Variants in LNX1 observed in about 807,000 individuals in gnomAD.
The protein encoded by LNX1 is E3 ubiquitin-protein ligase LNX.
Under a neutral mutation model 68.4 loss-of-function variants are expected in LNX1, and 54 were observed. That is an observed-to-expected ratio of 0.79 (90% CI 0.63 to 0.99). The LOEUF (loss-of-function observed/expected upper bound fraction) is 0.99, where lower values mean the gene tolerates loss of function less well. LNX1 is among the 50% of genes least tolerant of loss of function. The probability of loss-of-function intolerance (pLI) is 0.00; values close to 1 mark genes in which losing one functional copy is unlikely to be tolerated. For synonymous variants in LNX1, 336 were observed against 350.0 expected (o/e 0.96, Z 0.45); for missense variants, 906 against 926.4 (o/e 0.98, Z 0.29).
intron 2 of LNX1, among the ~76,000 whole-genome samples, chr4:53,512,141 G>A (rs561034730): frequency 1.7e-4 from 26 of 152,304 alleles, no homozygotes; most frequent in Admixed American, 6.5e-4. Context: ...TGGGGACCAT[G>A]GTGAGCAGTG....
chr4:53,460,795 A>T lies in LNX1; in HGVS notation c.*112T>A. ...ATTAGATGATCATACTTTTCCTGAC[A>T]TTTTTACAATGTATTCTTTCTTTAA... On this transcript the variant is annotated 3_prime_UTR_variant, in exon 11 of 11. Transcript: ENST00000263925. The T allele has an allele frequency of 9.0e-7, 1 of 1,114,340 alleles. No individual in the cohort carries two copies. Among genetic ancestry groups the T allele is most frequent in the South Asian group, 1.6e-5 (1 of 63,592 alleles). The allele number at this position is 1,114,340 out of a possible 1,614,324, so 69.0% of individuals were successfully genotyped here.
chr4:53,624,507 C>T (rs1263115348), intron 1 of LNX1, among the ~76,000 whole-genome samples: 9 of 152,208 alleles, frequency 5.9e-5, no homozygotes, highest in Non-Finnish European at 1.3e-4. Context: ...GTCCATTAAA[C>T]CTCTTTTTCT....
chr4:53,609,438 A>G (rs1387708295), intron 2 of LNX1, among the ~76,000 whole-genome samples: 2 of 151,304 alleles, frequency 1.3e-5, no homozygotes, highest in Non-Finnish European at 2.9e-5. Context: ...AGTATTAGCT[A>G]AATATATCTC....
intron 2 of LNX1, among the ~76,000 whole-genome samples, chr4:53,542,984 C>T (rs1162943416): frequency 6.6e-6 from 1 of 152,168 alleles, no homozygotes; most frequent in Non-Finnish European, 1.5e-5. Context: ...GAATCATTAG[C>T]ACTTCATAGG....
At chr4:53,519,215 G>A (rs1358997648) in intron 2 of LNX1, among the ~76,000 whole-genome samples, 2 of 152,122 alleles carry the variant, frequency 1.3e-5, no homozygotes, top group Non-Finnish European at 1.5e-5. Context: ...CTAAGTGTGC[G>A]GGCACCTCCA....
At chr4:53,591,682 T>C, upstream of LNX1, 3 of 630,652 alleles carry the variant, frequency 4.8e-6, no homozygotes, top group Non-Finnish European at 5.9e-6. Flanking sequence ...TGGCGTCTCT[T>C]TGTGGACAAA....
At chr4:53,509,993 T>G (rs1726207704) in intron 2 of LNX1, among the ~76,000 whole-genome samples, 1 of 152,204 alleles carries the variant, frequency 6.6e-6, no homozygotes, top group Admixed American at 6.5e-5. Flanking sequence ...AACAGAACAA[T>G]TGGATATTGA....
intron 2 of LNX1, among the ~76,000 whole-genome samples, chr4:53,545,303 A>C (rs1729032042): frequency 6.6e-6 from 1 of 152,216 alleles, no homozygotes. Context: ...GAAAAGTTGA[A>C]TCTATAAAGC....
At chr4:53,558,195 G>A (rs17083031) in intron 2 of LNX1, 365 of 1,316,402 alleles carry the variant, frequency 2.8e-4, no homozygotes, top group Middle Eastern at 6.0e-4. Flanking sequence ...GAGCCACCAC[G>A]GTTGGCGAGA....
At chr4:53,561,936 A>G (rs1397346277) in intron 2 of LNX1, among the ~76,000 whole-genome samples, 3 of 152,094 alleles carry the variant, frequency 2.0e-5, no homozygotes, top group Admixed American at 6.5e-5. Flanking sequence ...ATTAAAAAAA[A>G]GGAAAAAGGA....
intron 4 of LNX1, among the ~76,000 whole-genome samples, chr4:53,502,620 T>A (rs1725587997): frequency 6.6e-6 from 1 of 152,136 alleles, no homozygotes; most frequent in African/African-American, 2.4e-5. Context: ...AAGACAACAA[T>A]GAAGTTTGCC....
intron 2 of LNX1, among the ~76,000 whole-genome samples, chr4:53,528,396 C>G (rs984547647): frequency 2.3e-4 from 35 of 152,106 alleles, no homozygotes; most frequent in African/African-American, 7.5e-4. Flanking sequence ...CTATGTCATT[C>G]ACTTCACTTC....
In LNX1 at chr4:53,498,635, C is replaced by T. The variant is rs1163826676; in HGVS notation, c.978+6G>A. ...CTTGCTGCAGCCCCACAGCCACAGT[C>T]TCTACCTTTAGAATGATGTCTCCTG... On this transcript the variant is annotated splice_donor_region_variant and intron_variant, in intron 5 of 10. Coordinates refer to ENST00000263925, the MANE Select transcript of LNX1 (RefSeq NM_001126328.3). 4 of 1,612,516 alleles carry T rather than the reference C, an allele frequency of 2.5e-6. No individual in the cohort carries two copies. The highest frequency in any genetic ancestry group is 1.3e-5 in the African/African-American group (1 of 75,008).
intron 2 of LNX1, among the ~76,000 whole-genome samples, chr4:53,563,404 A>G (rs1193801959): frequency 6.6e-6 from 1 of 152,236 alleles, no homozygotes; most frequent in Non-Finnish European, 1.5e-5. Context: ...AAGGGTCTCC[A>G]GAGGTATTAA....
At chr4:53,558,322 A>G (rs1294861943) in intron 2 of LNX1, 12 of 1,068,594 alleles carry the variant, frequency 1.1e-5, no homozygotes, top group Non-Finnish European at 1.4e-5. Context: ...CTGGGAGCAG[A>G]CAGGCTGGGA....
intron 1 of LNX1, among the ~76,000 whole-genome samples, chr4:53,633,264 T>C (rs1734342536): frequency 1.3e-5 from 2 of 152,184 alleles, no homozygotes; most frequent in Admixed American, 1.3e-4. Flanking sequence ...GCAGCTTCCC[T>C]TGCCTGCTGG....
chr4:53,599,718 T>C (rs1341738473), intron 2 of LNX1, among the ~76,000 whole-genome samples: 1 of 152,172 alleles, frequency 6.6e-6, no homozygotes, highest in African/African-American at 2.4e-5. Flanking sequence ...CTCTTATCCA[T>C]GAAGGGCCAG....
chr4:53,615,809 A>T (rs1577797926), intron 2 of LNX1, among the ~76,000 whole-genome samples: 2 of 152,310 alleles, frequency 1.3e-5, no homozygotes, highest in East Asian at 3.9e-4. Context: ...TTTATGGGGT[A>T]CATGAGATGT....
At chr4:53,509,934 T>C (rs1726203528) in intron 2 of LNX1, among the ~76,000 whole-genome samples, 1 of 152,244 alleles carries the variant, frequency 6.6e-6, no homozygotes, top group South Asian at 2.1e-4. Flanking sequence ...AATTGCCATT[T>C]GAATGTAATG....
Sources: allele counts gnomAD v4.1 joint callset (sites outside exome capture counted in the v4.1 genomes callset), GRCh38; gene constraint gnomAD v4.1.1; transcripts MANE v1.5; gene names NCBI Gene and HGNC (gene_info 2026-07-23, HGNC 2026-07-21).